Variants in SAMD4A observed in about 807,000 individuals in gnomAD.
SAMD4A encodes the protein sterile alpha motif domain containing 4A.
SAMD4A carries 33 observed loss-of-function variants against 81.3 expected under a neutral mutation model. That is an observed-to-expected ratio of 0.41 (90% confidence interval 0.31 to 0.54). The LOEUF (loss-of-function observed/expected upper bound fraction) is 0.54. SAMD4A is among the 20% of genes least tolerant of loss of function. The pLI is 0.37. For synonymous variants in SAMD4A, 389 were observed against 382.1 expected (o/e 1.02, Z -0.21); for missense variants, 854 against 951.1 (o/e 0.90, Z 1.34).
intron 3 of SAMD4A, among the ~76,000 whole-genome samples, chr14:54,715,460 C>T (rs2140831810): frequency 6.6e-6 from 1 of 152,158 alleles, no homozygotes; most frequent in African/African-American, 2.4e-5. Flanking sequence ...GGAAGAGAGC[C>T]TCCTGCTGTA....
intron 9 of SAMD4A, among the ~76,000 whole-genome samples, chr14:54,771,139 A>ATG (rs1566630984): frequency 6.6e-6 from 1 of 152,048 alleles, no homozygotes; most frequent in Non-Finnish European, 1.5e-5. Flanking sequence ...TAAGGGAGAT[A>ATG]AGGCCAGTTG....
At chr14:54,706,280 CAAAAAA>C (rs112193724) in intron 3 of SAMD4A, among the ~76,000 whole-genome samples, 2 of 110,438 alleles carry the variant, frequency 1.8e-5, no homozygotes, top group African/African-American at 7.1e-5. Context: ...GACTTAGTCT[CAAAAAA>C]AAAAAAAAAA....
chr14:54,788,835 C>T (rs940991340), intron 12 of SAMD4A, 81 bp from the exon 13 acceptor site: 36 of 1,570,396 alleles, frequency 2.3e-5, no homozygotes, highest in East Asian at 1.1e-4. Flanking sequence ...GGAGGCCCAC[C>T]GTGCATGGCG....
intron 2 of SAMD4A, among the ~76,000 whole-genome samples, chr14:54,661,949 AAAT>A (rs1219117958): frequency 6.6e-6 from 1 of 152,204 alleles, no homozygotes; most frequent in Non-Finnish European, 1.5e-5. Context: ...GGAAAAAAAA[AAAT>A]ATGTTGAGCA....
At chr14:54,611,893 AAAAAG>A (rs887947912) in intron 2 of SAMD4A, among the ~76,000 whole-genome samples, 2 of 151,942 alleles carry the variant, frequency 1.3e-5, no homozygotes, top group Non-Finnish European at 2.9e-5. Context: ...AAAAAAAAGA[AAAAAG>A]AAAAGAAGCC....
intron 8 of SAMD4A, among the ~76,000 whole-genome samples, chr14:54,765,620 T>C (rs1193030313): frequency 6.6e-6 from 1 of 151,618 alleles, no homozygotes; most frequent in Non-Finnish European, 1.5e-5. Context: ...CAGTGAGACT[T>C]GTCTCGGGGA....
At chr14:54,670,043 G>A (rs2035846098) in intron 2 of SAMD4A, among the ~76,000 whole-genome samples, 1 of 152,164 alleles carries the variant, frequency 6.6e-6, no homozygotes, top group Non-Finnish European at 1.5e-5. Flanking sequence ...AACGCACTGA[G>A]TGTTTGTTGT....
chr14:54,784,360 C>G, intron 11 of SAMD4A, 177 bp from the exon 12 acceptor site: 2 of 1,558,666 alleles, frequency 1.3e-6, no homozygotes, highest in Non-Finnish European at 1.7e-6. Flanking sequence ...TCACAGTGGA[C>G]TGTGTTTAAC....
chr14:54,685,393 T>C (rs2036240082), intron 2 of SAMD4A, among the ~76,000 whole-genome samples: 1 of 152,060 alleles, frequency 6.6e-6, no homozygotes, highest in Non-Finnish European at 1.5e-5. Flanking sequence ...CTTAGCACAG[T>C]GTCCTTGAGG....
intron 2 of SAMD4A, among the ~76,000 whole-genome samples, chr14:54,688,931 C>CTTTTT (rs71127666): frequency 1.0e-4 from 12 of 116,092 alleles, no homozygotes; most frequent in East Asian, 4.5e-4. Flanking sequence ...AGTCGTAATT[C>CTTTTT]TTTTTTTTTT....
chr14:54,665,208 A>T (rs577468972), intron 2 of SAMD4A, among the ~76,000 whole-genome samples: 1 of 152,368 alleles, frequency 6.6e-6, no homozygotes, highest in Admixed American at 6.5e-5. Flanking sequence ...AATAAAAGCC[A>T]TATGAATGTG....
intron 2 of SAMD4A, among the ~76,000 whole-genome samples, chr14:54,628,118 T>G (rs2034808718): frequency 6.6e-6 from 1 of 152,040 alleles, no homozygotes; most frequent in Non-Finnish European, 1.5e-5. Flanking sequence ...AGTTGTTGGA[T>G]TGCCATAGCA....
At chr14:54,573,182 T>G (rs887192371) in intron 2 of SAMD4A, among the ~76,000 whole-genome samples, 1 of 152,236 alleles carries the variant, frequency 6.6e-6, no homozygotes, top group Non-Finnish European at 1.5e-5. Context: ...CTGCTGCTTG[T>G]AAGTTGTAGC....
At chr14:54,566,458 G>C (rs2032936744), upstream of SAMD4A, among the ~76,000 whole-genome samples, 2 of 151,852 alleles carry the variant, frequency 1.3e-5, no homozygotes, top group African/African-American at 4.8e-5. Context: ...AGGCTGAGTC[G>C]CTGGGTTCTC....
intron 4 of SAMD4A, among the ~76,000 whole-genome samples, chr14:54,740,384 G>GT (rs2037817051): frequency 6.6e-6 from 1 of 152,172 alleles, no homozygotes; most frequent in African/African-American, 2.4e-5. Flanking sequence ...TAAACGTCCA[G>GT]TTTAGAAGAA....
At chr14:54,661,535 C>T (rs995002297) in intron 2 of SAMD4A, among the ~76,000 whole-genome samples, 1 of 152,216 alleles carries the variant, frequency 6.6e-6, no homozygotes, top group African/African-American at 2.4e-5. Flanking sequence ...AGTTCCCGTC[C>T]TAGTTAATGC....
At chr14:54,719,669 C>T (rs909885516) in intron 3 of SAMD4A, among the ~76,000 whole-genome samples, 2 of 152,156 alleles carry the variant, frequency 1.3e-5, no homozygotes, top group South Asian at 2.1e-4. Context: ...CACATGGTGG[C>T]GTGAGACTGA....
At chr14:54,705,287 C>A (rs1054705204) in intron 3 of SAMD4A, among the ~76,000 whole-genome samples, 1 of 152,180 alleles carries the variant, frequency 6.6e-6, no homozygotes, top group Admixed American at 6.5e-5. Flanking sequence ...GGGCGCCTGA[C>A]ATAAGCACCT....
intron 3 of SAMD4A, among the ~76,000 whole-genome samples, chr14:54,724,918 G>T (rs531196939): frequency 2.1e-4 from 32 of 152,196 alleles, no homozygotes; most frequent in Non-Finnish European, 4.3e-4. Context: ...GAGCTGGGGT[G>T]TGAGAGAGAA....
Sources: allele counts gnomAD v4.1 joint callset (sites outside exome capture counted in the v4.1 genomes callset), GRCh38; gene constraint gnomAD v4.1.1; transcripts MANE v1.5; gene names NCBI Gene and HGNC (gene_info 2026-07-23, HGNC 2026-07-21).